ABHD12: variants seen among roughly 807,000 people sequenced by gnomAD.
ABHD12 encodes the protein abhydrolase domain containing 12, lysophospholipase, also known as lysophosphatidylserine lipase ABHD12.
In ABHD12, 43 loss-of-function variants were observed where a neutral mutation model predicts 58.3. That is an observed-to-expected ratio of 0.74 (90% CI 0.58 to 0.95). The LOEUF (loss-of-function observed/expected upper bound fraction) is 0.95, where lower values mean the gene tolerates loss of function less well. ABHD12 is among the 40% of genes least tolerant of loss of function. ABHD12 has a pLI of 0.00. For synonymous variants in ABHD12, 219 were observed against 211.2 expected, an observed-to-expected ratio of 1.04 and a Z score of -0.32; for missense variants, 539 against 537.2, an observed-to-expected ratio of 1.00 and a Z score of -0.03.
At chr20:25,335,442 C>A (rs1224117079) in intron 2 of ABHD12, among the ~76,000 whole-genome samples, 3 of 147,612 alleles carry the variant, frequency 2.0e-5, no homozygotes, top group African/African-American at 7.6e-5. Context: ...TTTGACCCAG[C>A]CATCCCATTA....
At chr20:25,388,465 C>A (rs1395859538) in intron 1 of ABHD12, among the ~76,000 whole-genome samples, 1 of 152,098 alleles carries the variant, frequency 6.6e-6, no homozygotes, top group Non-Finnish European at 1.5e-5. Context: ...CAGGAGTGGG[C>A]TGGTCTAAGA....
intron 1 of ABHD12, among the ~76,000 whole-genome samples, chr20:25,387,228 C>T (rs2090102932): frequency 6.6e-6 from 1 of 152,106 alleles, no homozygotes; most frequent in Non-Finnish European, 1.5e-5. Context: ...AGTGTCATCC[C>T]TATTATTTAA....
chr20:25,342,753 G>C (rs746295434), intron 1 of ABHD12, among the ~76,000 whole-genome samples: 1 of 151,910 alleles, frequency 6.6e-6, no homozygotes, highest in African/African-American at 2.4e-5. Flanking sequence ...ACCCAGCCAG[G>C]TTTATTTTTT....
intron 1 of ABHD12, among the ~76,000 whole-genome samples, chr20:25,364,022 C>G (rs144425138): frequency 4.3e-4 from 65 of 152,278 alleles, no homozygotes; most frequent in Non-Finnish European, 8.7e-4. Flanking sequence ...CCCTAAGGCT[C>G]CTTGTGCTGA....
In ABHD12 at chr20:25,318,663, C is replaced by CT. The variant is rs35288907; in HGVS notation, c.542+1535dup. On this transcript the variant is annotated intron_variant, in intron 4 of 12. Coordinates refer to ENST00000339157, the MANE Select transcript of ABHD12 (RefSeq NM_001042472.3). The stretch of plus-strand genomic sequence containing the variant: ...TCTAACCTAAAGTTATAGGCAGGAT[C>CT]TTTTTTTTTTTTTTTTAACCATGTG... 4.2e-3 allele frequency among the ~76,000 whole-genome samples: 617 copies of CT among 145,196 alleles called. 5 individuals are homozygous for CT. The highest frequency in any genetic ancestry group is 0.013 in the South Asian group (58 of 4,528).
intron 1 of ABHD12, among the ~76,000 whole-genome samples, chr20:25,363,738 G>GC (rs1194096970): frequency 6.6e-6 from 1 of 151,962 alleles, no homozygotes; most frequent in Non-Finnish European, 1.5e-5. Flanking sequence ...GGTGGCACAT[G>GC]CCCGTAATCT....
Position 25,302,113 on chromosome 20 carries a change from C to T in ABHD12, c.1157+106G>A, listed in dbSNP as rs1288067803. ...CTCCCAAATCACTGTGACTCTTGGCCCCACTGAGGCCCCCTGAGCAGCTTC... is the reference window on the plus strand; with the variant it reads ...CTCCCAAATCACTGTGACTCTTGGCTCCACTGAGGCCCCCTGAGCAGCTTC... On this transcript the variant is annotated intron_variant, in intron 12 of 12. Transcript: ENST00000339157. The T allele has an allele frequency of 3.9e-6, 6 of 1,530,738 alleles. No homozygotes were observed. In the South Asian group the frequency reaches 5.7e-5, roughly 15 times the overall value. 94.8% of individuals were successfully genotyped at this position (1,530,738 alleles called of 1,614,324 possible). A position where few individuals can be genotyped will look rare whatever the true frequency, so the allele number is the denominator to read the frequency against.
downstream of ABHD12, chr20:25,296,722 TGTAAA>T: frequency 2.8e-6 from 2 of 714,860 alleles, no homozygotes; most frequent in Non-Finnish European, 4.4e-6. Context: ...CCTAGTTTCT[TGTAAA>T]GGAAGCCAGA....
chr20:25,381,164 T>C (rs1186092180), intron 1 of ABHD12, among the ~76,000 whole-genome samples: 1 of 152,138 alleles, frequency 6.6e-6, no homozygotes, highest in Non-Finnish European at 1.5e-5. Flanking sequence ...ATGCCATTTC[T>C]CTAGCAGCCA....
At chr20:25,383,979 A>C (rs868483509) in intron 1 of ABHD12, among the ~76,000 whole-genome samples, 1 of 143,664 alleles carries the variant, frequency 7.0e-6, no homozygotes, top group Non-Finnish European at 1.5e-5. Flanking sequence ...AAAAAAGAAA[A>C]AAAAGAAAAA....
In ABHD12 at chr20:25,300,515, G is replaced by A. The variant is rs568458189; in HGVS notation, c.*330C>T. 16 of 1,319,828 alleles carry A rather than the reference G, an allele frequency of 1.2e-5. No individual in the cohort carries two copies. The South Asian group carries it at 1.5e-4, about 12-fold the overall frequency. The allele number at this position is 1,319,828 out of a possible 1,614,324, so 81.8% of individuals were successfully genotyped here. ...CCCGAGCCCCAAGAGTCCCCTGCCC[G>A]GACTCCCCCTGTCCAGCTCAGTGCA... On this transcript the variant is annotated 3_prime_UTR_variant, in exon 13 of 13. Transcript: ENST00000339157.
At chr20:25,342,599 G>A (rs960976416) in intron 1 of ABHD12, among the ~76,000 whole-genome samples, 1 of 151,260 alleles carries the variant, frequency 6.6e-6, no homozygotes, top group Non-Finnish European at 1.5e-5. Context: ...AAGTTTTTTT[G>A]TTGTTGTTGT....
rs61454649 is a variant in ABHD12 at position 25,335,971 on chromosome 20, AAAAAAAC to A, written c.316+3249_316+3255del. Among the ~76,000 whole-genome samples, 1,211 of 152,124 alleles carry A rather than the reference AAAAAAAC, an allele frequency of 8.0e-3. 19 individuals carry two copies. The highest frequency in any genetic ancestry group is 0.028 in the African/African-American group (1,161 of 41,460). ...TTAAAGTATAATAATAATAAATAAAAAAAAAACAAAAAACAAATGCATGATGATAGAT... is the reference window on the plus strand; with the variant it reads ...TTAAAGTATAATAATAATAAATAAAAAAAAAACAAATGCATGATGATAGAT... On this transcript the variant is annotated intron_variant, in intron 2 of 12. Transcript: ENST00000339157.
intron 1 of ABHD12, among the ~76,000 whole-genome samples, chr20:25,355,684 G>A (rs932137801): frequency 2.2e-4 from 33 of 151,992 alleles, no homozygotes; most frequent in Admixed American, 2.0e-3. Context: ...TCAGCCTCCC[G>A]AGTAGCTGGG....
intron 1 of ABHD12, among the ~76,000 whole-genome samples, chr20:25,362,084 G>T (rs899202738): frequency 5.9e-5 from 9 of 151,346 alleles, no homozygotes; most frequent in African/African-American, 2.2e-4. Context: ...AGACTAGCCT[G>T]GCCAACATGG....
At chr20:25,310,076 C>G in intron 6 of ABHD12, 17 of 160,908 alleles carry the variant, frequency 1.1e-4, no homozygotes, top group South Asian at 5.4e-4. Context: ...CCACCATCCT[C>G]AGCTCTACAC....
At chr20:25,297,677 CT>C (rs1403073391), downstream of ABHD12, 1 of 152,296 alleles carries the variant, frequency 6.6e-6, no homozygotes, top group Non-Finnish European at 1.5e-5. Context: ...GAACAGGCTA[CT>C]GTCCTTCCCT....
intron 1 of ABHD12, among the ~76,000 whole-genome samples, chr20:25,345,188 C>T (rs905704153): frequency 6.6e-6 from 1 of 151,994 alleles, no homozygotes; most frequent in African/African-American, 2.4e-5. Context: ...CAGGTTCAAG[C>T]TATTCTCCTG....
intron 2 of ABHD12, among the ~76,000 whole-genome samples, chr20:25,323,641 C>T (rs1016456478): frequency 6.6e-6 from 1 of 152,224 alleles, no homozygotes; most frequent in African/African-American, 2.4e-5. Context: ...CCTGCAGGCC[C>T]AGCCTCAGGC....
Sources: allele counts gnomAD v4.1 joint callset (sites outside exome capture counted in the v4.1 genomes callset), GRCh38; gene constraint gnomAD v4.1.1; transcripts MANE v1.5; gene names NCBI Gene and HGNC (gene_info 2026-07-23, HGNC 2026-07-21).